FRMD6: variants seen among roughly 807,000 people sequenced by gnomAD.
The protein encoded by FRMD6 is FERM domain containing 6.
Under a neutral mutation model 73.2 loss-of-function variants are expected in FRMD6, and 37 were observed. That is an observed-to-expected ratio of 0.51 (90% CI 0.39 to 0.66). FRMD6 has a LOEUF of 0.66. Among genes scored for constraint, FRMD6 ranks in the 30% least tolerant of loss-of-function variants. The pLI is 0.00. For missense variants in FRMD6, 714 were observed against 780.5 expected (o/e 0.91, Z 1.02); for synonymous variants, 273 against 282.2 (o/e 0.97, Z 0.33).
intron 1 of FRMD6, among the ~76,000 whole-genome samples, chr14:51,528,146 A>C (rs959527332): frequency 3.3e-5 from 5 of 152,148 alleles, no homozygotes; most frequent in African/African-American, 1.2e-4. Context: ...TGTCTCAAAA[A>C]AACAACAAAC....
At chr14:51,569,342 C>A (rs572164165) in intron 1 of FRMD6, among the ~76,000 whole-genome samples, 1 of 152,096 alleles carries the variant, frequency 6.6e-6, no homozygotes, top group African/African-American at 2.4e-5. Flanking sequence ...AAAAAAGAAA[C>A]GGTAACCAAA....
At chr14:51,589,887 G>A (rs975847143) in intron 2 of FRMD6, among the ~76,000 whole-genome samples, 1 of 152,104 alleles carries the variant, frequency 6.6e-6, no homozygotes, top group Non-Finnish European at 1.5e-5. Context: ...TGGCCAACAT[G>A]GGGAAACCCC....
chr14:51,552,431 T>C (rs1164087508), intron 1 of FRMD6, among the ~76,000 whole-genome samples: 2 of 152,248 alleles, frequency 1.3e-5, no homozygotes, highest in African/African-American at 4.8e-5. Context: ...TTGAATTCCC[T>C]GCCAGTAGGC....
rs551210444 is a variant in FRMD6, at chr14:51,658,615, T to C, written c.-147+6619T>C. Among the ~76,000 whole-genome samples, 20 of 152,292 alleles carry C rather than the reference T, an allele frequency of 1.3e-4. No homozygotes were observed. The South Asian group carries it at 4.1e-3, about 32-fold the overall frequency. On this transcript the variant is annotated intron_variant, in intron 1 of 13. Coordinates refer to ENST00000344768, the MANE Select transcript of FRMD6 (RefSeq NM_001267046.2). The stretch of plus-strand genomic sequence containing the variant: ...CCATCCAGTTATCGTTTCTTAAAGA[T>C]CCCTGGAAACATCCAATCTTTGTCT...
chr14:51,599,058 C>CTTTTCTT (rs1158794443), intron 2 of FRMD6, among the ~76,000 whole-genome samples: 2 of 72,824 alleles, frequency 2.7e-5, no homozygotes, highest in East Asian at 4.8e-4. Flanking sequence ...CAGTATCTGT[C>CTTTTCTT]TTTTTTTTTT....
intron 1 of FRMD6, among the ~76,000 whole-genome samples, chr14:51,668,546 T>A (rs987528581): frequency 6.6e-6 from 1 of 152,128 alleles, no homozygotes; most frequent in African/African-American, 2.4e-5. Context: ...CCTCAAGTGA[T>A]CTGCCCACCT....
intron 2 of FRMD6, among the ~76,000 whole-genome samples, chr14:51,603,214 G>A (rs1043404259): frequency 1.1e-4 from 17 of 151,796 alleles, no homozygotes; most frequent in South Asian, 4.2e-4. Flanking sequence ...ACTTCCCAGC[G>A]CCCAGAACTA....
the FRMD6 span, among the ~76,000 whole-genome samples, chr14:51,404,802 A>T: frequency 6.6e-6 from 1 of 152,162 alleles, no homozygotes; most frequent in African/African-American, 2.4e-5. Context: ...TAGGTTTGGC[A>T]GTACATGCAG....
At chr14:51,676,009 A>C (rs1894363846) in intron 1 of FRMD6, among the ~76,000 whole-genome samples, 1 of 152,152 alleles carries the variant, frequency 6.6e-6, no homozygotes, top group Non-Finnish European at 1.5e-5. Context: ...AAATTATTTT[A>C]GCACGTTTCT....
At chr14:51,531,163 T>C (rs187543672) in intron 1 of FRMD6, among the ~76,000 whole-genome samples, 20 of 152,320 alleles carry the variant, frequency 1.3e-4, no homozygotes, top group Non-Finnish European at 2.2e-4. Flanking sequence ...CACTGTTGCA[T>C]TGGAGATTAA....
At chr14:51,484,799 A>G (rs1205686830), upstream of FRMD6, among the ~76,000 whole-genome samples, 1 of 152,180 alleles carries the variant, frequency 6.6e-6, no homozygotes, top group Non-Finnish European at 1.5e-5. Flanking sequence ...TCTCATATTC[A>G]CATCTCCCAC....
At chr14:51,716,279 A>G (rs1163852482) in intron 10 of FRMD6, among the ~76,000 whole-genome samples, 1 of 148,468 alleles carries the variant, frequency 6.7e-6, no homozygotes, top group Non-Finnish European at 1.5e-5. Context: ...AAACTGCTAC[A>G]TTACGTATTT....
intron 13 of FRMD6, 49 bp downstream of exon 13, chr14:51,725,919 A>G: frequency 7.5e-7 from 1 of 1,340,586 alleles, no homozygotes; most frequent in Non-Finnish European, 1.1e-6. Flanking sequence ...AGTTATAGAA[A>G]ATTTTAAGTA....
chr14:51,702,801 T>G (rs1476905845), intron 5 of FRMD6, among the ~76,000 whole-genome samples: 2 of 152,032 alleles, frequency 1.3e-5, no homozygotes, highest in Admixed American at 1.3e-4. Context: ...AAATATTTGT[T>G]AAATGAAAGA....
chr14:51,436,358 G>A, the FRMD6 span: 1 of 420,576 alleles, frequency 2.4e-6, no homozygotes, highest in Non-Finnish European at 4.6e-6. Context: ...TGTCTGCACT[G>A]CTTGGGGAGG....
chr14:51,698,123 G>T lies in FRMD6; in HGVS notation c.100-19G>T, dbSNP rs375692856. 25 of 1,583,100 alleles carry T rather than the reference G, an allele frequency of 1.6e-5. No homozygotes were observed. The highest frequency in any genetic ancestry group is 2.1e-5 in the Non-Finnish European group (24 of 1,154,354). On this transcript the variant is annotated intron_variant, in intron 2 of 13. Transcript: ENST00000344768. ...CTTAGTTGAATTGTTATTTTACGTCGTGCCTTTTTCCCCTACAGGTTAAGA... is the reference window on the plus strand; with the variant it reads ...CTTAGTTGAATTGTTATTTTACGTCTTGCCTTTTTCCCCTACAGGTTAAGA...
intron 1 of FRMD6, among the ~76,000 whole-genome samples, chr14:51,552,227 T>C (rs772645479): frequency 2.0e-5 from 3 of 152,246 alleles, no homozygotes; most frequent in Non-Finnish European, 4.4e-5. Flanking sequence ...AAGATAGATC[T>C]TTACTAACAT....
chr14:51,571,160 G>C (rs1888115354), intron 2 of FRMD6, among the ~76,000 whole-genome samples: 1 of 152,174 alleles, frequency 6.6e-6, no homozygotes, highest in African/African-American at 2.4e-5. Flanking sequence ...GATTGCTTGA[G>C]GCCAAGAGTT....
At chr14:51,638,631 T>A (rs755594) in intron 2 of FRMD6, among the ~76,000 whole-genome samples, 21,825 of 152,176 alleles carry the variant, frequency 0.14, 1,557 homozygotes, top group South Asian at 0.19. Flanking sequence ...TCCTTTATAC[T>A]GAGTGTATGG....
Sources: gnomAD v4.1 joint callset for allele counts (sites outside exome capture counted in the v4.1 genomes callset) on GRCh38, gnomAD v4.1.1 for gene constraint, MANE v1.5 for transcripts, NCBI Gene and HGNC (gene_info 2026-07-23, HGNC 2026-07-21) for gene names.